CTNNA1: variants seen among roughly 807,000 people sequenced by gnomAD.
CTNNA1 encodes catenin alpha-1.
Under a neutral mutation model 98.4 loss-of-function variants are expected in CTNNA1, and 37 were observed. That is an observed-to-expected ratio of 0.38 (90% CI 0.29 to 0.49). The LOEUF (loss-of-function observed/expected upper bound fraction) is 0.49. Ranked by LOEUF, CTNNA1 falls within the 20% of genes least tolerant of loss-of-function variation. The pLI, the probability that CTNNA1 is intolerant of heterozygous loss-of-function variation, is 0.95. For missense variants in CTNNA1, 761 were observed against 1,147.2 expected, an observed-to-expected ratio of 0.66 and a Z score of 4.86; for synonymous variants, 404 against 413.2, an observed-to-expected ratio of 0.98 and a Z score of 0.27.
chr5:138,921,016 A>G (rs1431408314), intron 11 of CTNNA1, among the ~76,000 whole-genome samples: 1 of 152,102 alleles, frequency 6.6e-6, no homozygotes, highest in Non-Finnish European at 1.5e-5. Flanking sequence ...AAAAAGAGGA[A>G]TATGCATGAT....
At chr5:138,834,682 A>C (rs1331759007) in intron 7 of CTNNA1, among the ~76,000 whole-genome samples, 1 of 152,148 alleles carries the variant, frequency 6.6e-6, no homozygotes, top group East Asian at 1.9e-4. Context: ...TAAAATAAAT[A>C]CTGGAATCTA....
intron 1 of CTNNA1, among the ~76,000 whole-genome samples, chr5:138,766,108 C>G (rs766320790): frequency 2.0e-5 from 3 of 152,022 alleles, no homozygotes; most frequent in Non-Finnish European, 4.4e-5. Flanking sequence ...TCAAAAAACT[C>G]GAAAGAGCTC....
chr5:138,876,982 C>T (rs1751712693), intron 7 of CTNNA1, among the ~76,000 whole-genome samples: 1 of 152,212 alleles, frequency 6.6e-6, no homozygotes, highest in Non-Finnish European at 1.5e-5. Flanking sequence ...TACCACAGGG[C>T]AGGTCTGACA....
intron 1 of CTNNA1, among the ~76,000 whole-genome samples, chr5:138,759,954 T>C (rs825672): frequency 0.74 from 107,806 of 145,816 alleles, 40,177 homozygotes; most frequent in East Asian, 0.99. Flanking sequence ...TTTTAGAATC[T>C]GGAATCCTCT....
chr5:138,931,767 T>G, intron 16 of CTNNA1: 5 of 985,570 alleles, frequency 5.1e-6, no homozygotes, highest in Non-Finnish European at 6.0e-6. Flanking sequence ...GGCTCTGCCC[T>G]GCTTCCATGA....
intron 1 of CTNNA1, among the ~76,000 whole-genome samples, chr5:138,774,001 A>G (rs1022442962): frequency 6.6e-6 from 1 of 152,144 alleles, no homozygotes; most frequent in African/African-American, 2.4e-5. Flanking sequence ...CTCATGCCTC[A>G]GCCTCCCGAG....
intron 10 of CTNNA1, among the ~76,000 whole-genome samples, chr5:138,915,261 C>T (rs751829273): frequency 2.0e-5 from 3 of 152,196 alleles, no homozygotes; most frequent in Admixed American, 6.5e-5. Context: ...TCTCATTATT[C>T]ACTTATTCAA....
intron 7 of CTNNA1, among the ~76,000 whole-genome samples, chr5:138,851,791 C>T (rs895364939): frequency 5.3e-5 from 8 of 151,314 alleles, no homozygotes; most frequent in Non-Finnish European, 8.8e-5. Flanking sequence ...CATGGTGGCT[C>T]ATGCCTGTAA....
intron 10 of CTNNA1, among the ~76,000 whole-genome samples, chr5:138,910,872 T>G (rs1239630271): frequency 1.3e-5 from 2 of 152,204 alleles, no homozygotes; most frequent in Non-Finnish European, 2.9e-5. Flanking sequence ...TCGTAGGCCT[T>G]TGGCTTTTAA....
chr5:138,833,515 T>G (rs1162732661), intron 7 of CTNNA1, among the ~76,000 whole-genome samples: 1 of 152,268 alleles, frequency 6.6e-6, no homozygotes, highest in Non-Finnish European at 1.5e-5. Flanking sequence ...TTTTACCTGT[T>G]TCTTTTCACT....
intron 7 of CTNNA1, among the ~76,000 whole-genome samples, chr5:138,844,155 T>G (rs538476728): frequency 6.6e-6 from 1 of 152,166 alleles, no homozygotes; most frequent in South Asian, 2.1e-4. Context: ...ATTTAAAAAT[T>G]TTTAAAATTT....
intron 1 of CTNNA1, chr5:138,754,993 A>T (rs1048045937): frequency 1.3e-5 from 2 of 152,260 alleles, no homozygotes; most frequent in African/African-American, 4.8e-5. Context: ...CCTGGGCTCA[A>T]GTGGTCCTCC....
intron 7 of CTNNA1, among the ~76,000 whole-genome samples, chr5:138,862,767 A>G (rs188564451): frequency 6.6e-6 from 1 of 152,304 alleles, no homozygotes; most frequent in East Asian, 1.9e-4. Context: ...TGAAAGTTCT[A>G]GCTAATTATC....
At chr5:138,794,297 A>G (rs1021587373) in intron 3 of CTNNA1, among the ~76,000 whole-genome samples, 1 of 152,196 alleles carries the variant, frequency 6.6e-6, no homozygotes, top group African/African-American at 2.4e-5. Flanking sequence ...GATTACAGGC[A>G]TGAGCCACTG....
At chr5:138,843,785 C>T (rs193144934) in intron 7 of CTNNA1, among the ~76,000 whole-genome samples, 3 of 152,228 alleles carry the variant, frequency 2.0e-5, no homozygotes, top group East Asian at 1.9e-4. Flanking sequence ...CCTGTATGGC[C>T]GCTTCTAGGG....
Position 138,810,199 on chromosome 5 carries a change from A to G in CTNNA1, c.463A>G (p.Lys155Glu), listed in dbSNP as rs773859235. 1.5e-5 allele frequency: 24 copies of G among 1,613,848 alleles called. No homozygotes were observed. Among genetic ancestry groups the G allele is most frequent in the Non-Finnish European group, 1.8e-5 (21 of 1,179,732 alleles). The change falls in exon 4 of 18, where the codon AAA becomes GAA. Residue 155 changes from lysine to glutamate, a missense_variant. Coordinates refer to ENST00000302763, the MANE Select transcript of CTNNA1 (RefSeq NM_001903.5). ...TGTCTACAAATTACTTGTTCAGCTG[A>G]AAGTTGTAAGTATACAGGCCTATGT... ...ADVYKLLVQL[K>E]VVEDGILKLR...
intron 9 of CTNNA1, among the ~76,000 whole-genome samples, chr5:138,895,391 C>T (rs1226399628): frequency 6.6e-6 from 1 of 151,934 alleles, no homozygotes; most frequent in African/African-American, 2.4e-5. Flanking sequence ...GCATATATAC[C>T]CAGTGTGCAC....
At chr5:138,767,039 T>TTCTG (rs1198971549) in intron 1 of CTNNA1, among the ~76,000 whole-genome samples, 1 of 151,386 alleles carries the variant, frequency 6.6e-6, no homozygotes, top group African/African-American at 2.4e-5. Flanking sequence ...TAACTTTTCT[T>TTCTG]TCTTTCTTTT....
In CTNNA1 at chr5:138,874,411, C is replaced by A. The variant is rs370092949; in HGVS notation, c.1063-11801C>A. ...TGGCGTTTGGCACTGAGTGGAAGCC[C>A]TGAGAGTCGCAGTAGAAGAGCAGCT... On this transcript the variant is annotated intron_variant, in intron 7 of 17. Coordinates refer to ENST00000302763, the MANE Select transcript of CTNNA1 (RefSeq NM_001903.5). The surrounding 1 kb of genome is among the most constrained non-coding windows in gnomAD (Gnocchi z 4.1). The A allele has an allele frequency of 6.2e-7, 1 of 1,613,910 alleles. No homozygotes were observed. The highest frequency in any genetic ancestry group is 1.7e-5 in the Admixed American group (1 of 60,006).
Sources: allele counts gnomAD v4.1 joint callset (sites outside exome capture counted in the v4.1 genomes callset), GRCh38; gene constraint gnomAD v4.1.1; non-coding constraint Gnocchi (gnomAD v3.1); transcripts MANE v1.5; gene names NCBI Gene and HGNC (gene_info 2026-07-23, HGNC 2026-07-21).